The following FUCA2 variants were observed in gnomAD, a reference collection of about 807,000 sequenced individuals.
FUCA2 encodes the protein alpha-L-fucosidase 2.
Under a neutral mutation model 52.6 loss-of-function variants are expected in FUCA2, and 41 were observed. The observed-to-expected ratio is 0.78, with a 90% confidence interval of 0.61 to 1.01. FUCA2 has a LOEUF of 1.01. Ranked by LOEUF, FUCA2 falls within the 50% of genes least tolerant of loss-of-function variation. The pLI is 0.00. For missense variants in FUCA2, 507 were observed against 569.5 expected, an observed-to-expected ratio of 0.89 and a Z score of 1.12; for synonymous variants, 211 against 217.3, an observed-to-expected ratio of 0.97 and a Z score of 0.26.
rs1156972354 is a variant in FUCA2 at position 143,509,180 on chromosome 6, G to C, written c.225-1756C>G. Among the ~76,000 whole-genome samples the C allele has an allele frequency of 6.6e-6, 1 of 152,204 alleles. No homozygotes were observed. Among genetic ancestry groups the C allele is most frequent in the Non-Finnish European group, 1.5e-5 (1 of 68,050 alleles). On this transcript the variant is annotated intron_variant, in intron 1 of 6. Coordinates refer to ENST00000002165, the MANE Select transcript of FUCA2 (RefSeq NM_032020.5). The surrounding 1 kb of genome is among the most constrained non-coding windows in gnomAD (Gnocchi z 5.4). ...TGAATTTCATGCTGAGAGATGAAAA[G>C]AGGCATTTATGGTAAAGGTCTATCA... is the stretch of plus-strand genomic sequence containing the variant.
Position 143,502,438 on chromosome 6 carries a change from A to C in FUCA2, c.880T>G (p.Cys294Gly). The part of the protein sequence containing the change: ...GHLLPHKWEN[C>G]MTIDKLSWGY... ...CAGGACAGTTTGTCTATTGTCATGC[A>C]GTTTTCCCATTTATGTGGCAAAAGA... Residue 294 changes from cysteine (C) to glycine (G), a missense_variant, in exon 4 of 7, where the codon TGC becomes GGC. Transcript: ENST00000002165. The surrounding 1 kb of genome is among the most constrained non-coding windows in gnomAD (Gnocchi z 4.1). 3 of 1,614,100 alleles carry C rather than the reference A, an allele frequency of 1.9e-6. No homozygotes were observed. Among genetic ancestry groups the C allele is most frequent in the Non-Finnish European group, 2.5e-6 (3 of 1,179,984 alleles).
In FUCA2 at chr6:143,511,508, C is replaced by A; in HGVS notation, c.127G>T (p.Ala43Ser). The change falls in exon 1 of 7, where the codon GCC becomes TCC. Residue 43 changes from alanine (A) to serine (S), a missense_variant. Physicochemically the swap from Ala to Ser is moderately conservative, Grantham distance 99. Coordinates refer to ENST00000002165, the MANE Select transcript of FUCA2 (RefSeq NM_032020.5). The surrounding 1 kb of genome is among the most constrained non-coding windows in gnomAD (Gnocchi z 6.3). ...RFDPTWESLD[A>S]RQLPAWFDQA... ...TCAAACCACGCGGGCAGCTGGCGGG[C>A]GTCCAGGGACTCCCAGGTGGGGTCG... 1.3e-6 allele frequency: 2 copies of A among 1,597,426 alleles called. No individual in the cohort carries two copies. Among genetic ancestry groups the A allele is most frequent in the East Asian group, 2.3e-5 (1 of 43,784 alleles).
chr6:143,498,510 G>A (rs943742887), intron 5 of FUCA2, among the ~76,000 whole-genome samples: 2 of 152,152 alleles, frequency 1.3e-5, no homozygotes, highest in Admixed American at 6.5e-5. Context: ...CCACGGGAGC[G>A]TCTGGGGAAA....
rs1780632294 is a variant in FUCA2 at position 143,507,976 on chromosome 6, CTT to C, written c.225-554_225-553del. Among the ~76,000 whole-genome samples the C allele has an allele frequency of 6.6e-6, 1 of 152,192 alleles. No individual in the cohort carries two copies. The highest frequency in any genetic ancestry group is 6.5e-5 in the Admixed American group (1 of 15,274). ...GAGTCACCGTGTCCAGCCCCATTCT[CTT>C]TTAATTCTTCACTTTTAAATCACAA... On this transcript the variant is annotated intron_variant, in intron 1 of 6. Coordinates refer to ENST00000002165, the MANE Select transcript of FUCA2 (RefSeq NM_032020.5). The surrounding 1 kb of genome is among the most constrained non-coding windows in gnomAD (Gnocchi z 4.5).
rs1251239699 is a variant in FUCA2, at chr6:143,497,793, C to T, written c.1155-296G>A. Among the ~76,000 whole-genome samples the T allele has an allele frequency of 3.3e-5, 5 of 152,186 alleles. No individual in the cohort carries two copies. Among genetic ancestry groups the T allele is most frequent in the African/African-American group, 1.2e-4 (5 of 41,440 alleles). On this transcript the variant is annotated intron_variant, in intron 5 of 6. Transcript: ENST00000002165. This position sits in a 1 kb window ranked among gnomAD's most constrained non-coding sequence, Gnocchi z 5.3. ...GATCTAAGGGGACAGGATGCAAGAG[C>T]TTCATGGCTTTTCATGTATTATTCA...
In FUCA2 at chr6:143,500,381, G is replaced by A. The variant is rs193255139; in HGVS notation, c.1154+1551C>T. Among the ~76,000 whole-genome samples, 424 of 152,274 alleles carry A rather than the reference G, an allele frequency of 2.8e-3. No homozygotes were observed. The highest frequency in any genetic ancestry group is 5.0e-3 in the Non-Finnish European group (337 of 68,020). On this transcript the variant is annotated intron_variant, in intron 5 of 6. Transcript: ENST00000002165. The surrounding 1 kb of genome is among the most constrained non-coding windows in gnomAD (Gnocchi z 6.9). ...TGGCAGAATCCTTCAAACTGGAGCC[G>A]TGGAAGGGGTTCAGTTATTGGTAAT...
chr6:143,502,699 G>T lies in FUCA2; in HGVS notation c.753-134C>A. On this transcript the variant is annotated intron_variant, in intron 3 of 6. Coordinates refer to ENST00000002165, the MANE Select transcript of FUCA2 (RefSeq NM_032020.5). This position sits in a 1 kb window ranked among gnomAD's most constrained non-coding sequence, Gnocchi z 4.1. ...TGGCATAGTACAGTGGAAAGCCCAT[G>T]GTTTTGAAGTCAAACAGACCTGAGT... 2 of 750,138 alleles carry T rather than the reference G, an allele frequency of 2.7e-6. No individual in the cohort carries two copies. The highest frequency in any genetic ancestry group is 4.2e-6 in the Non-Finnish European group (2 of 479,308). The allele number at this position is 750,138 out of a possible 1,614,324, so 46.5% of individuals were successfully genotyped here. A position where few individuals can be genotyped will look rare whatever the true frequency, so the allele number is the denominator to read the frequency against.
chr6:143,497,259 C>G lies in FUCA2; in HGVS notation c.1263+130G>C. 1 of 659,438 alleles carries G rather than the reference C, an allele frequency of 1.5e-6. No individual in the cohort carries two copies. Among genetic ancestry groups the G allele is most frequent in the Non-Finnish European group, 2.7e-6 (1 of 370,098 alleles). The allele number at this position is 659,438 out of a possible 1,614,324, so 40.8% of individuals were successfully genotyped here. A position where few individuals can be genotyped will look rare whatever the true frequency, so the allele number is the denominator to read the frequency against. Reference sequence around the variant, plus strand: ...TTACAGTGTGAGCCACAATGCTTGGCTGGAGCTCATTTACAATTCCTTTTA... The same window carrying G: ...TTACAGTGTGAGCCACAATGCTTGGGTGGAGCTCATTTACAATTCCTTTTA... On this transcript the variant is annotated intron_variant, in intron 6 of 6. Coordinates refer to ENST00000002165, the MANE Select transcript of FUCA2 (RefSeq NM_032020.5). The surrounding 1 kb of genome is among the most constrained non-coding windows in gnomAD (Gnocchi z 5.3).
intron 6 of FUCA2, chr6:143,496,774 A>G (rs1780465734): frequency 6.6e-6 from 1 of 152,338 alleles, no homozygotes; most frequent in South Asian, 2.1e-4. Flanking sequence ...CAGGGAAAGC[A>G]TCCGAATTCT....
At position 143,497,811 on chromosome 6, in the gene FUCA2, A is replaced by G. The variant is rs917785314; in HGVS notation, c.1155-314T>C. Among the ~76,000 whole-genome samples the G allele has an allele frequency of 6.6e-6, 1 of 152,204 alleles. No individual in the cohort carries two copies. The highest frequency in any genetic ancestry group is 2.4e-5 in the African/African-American group (1 of 41,442). On this transcript the variant is annotated intron_variant, in intron 5 of 6. Coordinates refer to ENST00000002165, the MANE Select transcript of FUCA2 (RefSeq NM_032020.5). The surrounding 1 kb of genome is among the most constrained non-coding windows in gnomAD (Gnocchi z 5.3). ...GCAAGAGCTTCATGGCTTTTCATGT[A>G]TTATTCAAATTTTTATATTCATTCA...
chr6:143,498,423 G>C (rs1769025038), intron 5 of FUCA2, among the ~76,000 whole-genome samples: 1 of 152,184 alleles, frequency 6.6e-6, no homozygotes, highest in Admixed American at 6.5e-5. Context: ...GCCTGGGAGT[G>C]TTATTTTAAA....
Position 143,504,299 on chromosome 6 carries a change from T to C in FUCA2, c.413-47A>G. ...CCTTGTAAGCATGTCAACTTTATTT[T>C]AGTAAATTTCAACCCACACAAATGC... On this transcript the variant is annotated intron_variant, in intron 2 of 6. Transcript: ENST00000002165. The surrounding 1 kb of genome is among the most constrained non-coding windows in gnomAD (Gnocchi z 4.4). 1 of 1,510,500 alleles carries C rather than the reference T, an allele frequency of 6.6e-7. No individual in the cohort carries two copies. Among genetic ancestry groups the C allele is most frequent in the South Asian group, 1.3e-5 (1 of 79,562 alleles). 93.6% of individuals were successfully genotyped at this position (1,510,500 alleles called of 1,614,324 possible). A position where few individuals can be genotyped will look rare whatever the true frequency, so the allele number is the denominator to read the frequency against.
Position 143,507,276 on chromosome 6 carries a change from C to T in FUCA2, c.373G>A (p.Gly125Ser), listed in dbSNP as rs900426424. 8 of 1,601,366 alleles carry T rather than the reference C, an allele frequency of 5.0e-6. No homozygotes were observed. The highest frequency in any genetic ancestry group is 1.7e-4 in the Middle Eastern group (1 of 6,060). ...NQWADIFQASGAKYIVLTSKH... is the reference protein window; with the variant it reads ...NQWADIFQASSAKYIVLTSKH... ...GAAGTTAAGACAATGTATTTGGCAC[C>T]AGAGGCCTGAAAAATATCTGCCCAC... Residue 125 changes from glycine to serine, a missense_variant, in exon 2 of 7, where the codon GGT becomes AGT. Gly to Ser is a moderately conservative substitution (Grantham distance 56). Transcript: ENST00000002165. This position sits in a 1 kb window ranked among gnomAD's most constrained non-coding sequence, Gnocchi z 4.5.
chr6:143,506,486 A>G (rs1780610162), intron 2 of FUCA2: 1 of 152,022 alleles, frequency 6.6e-6, no homozygotes, highest in Non-Finnish European at 1.5e-5. Context: ...GAGCGACCAC[A>G]TCCAGTGCAA....
rs369061103 is a variant in FUCA2 at position 143,511,368 on chromosome 6, G to A, written c.224+43C>T. The A allele has an allele frequency of 6.5e-7, 1 of 1,538,924 alleles. No individual in the cohort carries two copies. The highest frequency in any genetic ancestry group is 8.8e-7 in the Non-Finnish European group (1 of 1,132,356). ...GGGTGGTGGCTGGAGGCTGCGGGTG[G>A]GGACAAAAGCGCGGCAGACGAGACA... On this transcript the variant is annotated intron_variant, in intron 1 of 6. Coordinates refer to ENST00000002165, the MANE Select transcript of FUCA2 (RefSeq NM_032020.5). This position sits in a 1 kb window ranked among gnomAD's most constrained non-coding sequence, Gnocchi z 6.3.
rs912615161 is a variant in FUCA2, at chr6:143,503,779, T to A, written c.752+134A>T. 1.5e-6 allele frequency: 1 copy of A among 658,136 alleles called. No individual in the cohort carries two copies. The highest frequency in any genetic ancestry group is 2.6e-6 in the Non-Finnish European group (1 of 391,180). The allele number at this position is 658,136 out of a possible 1,614,324, so 40.8% of individuals were successfully genotyped here. A position where few individuals can be genotyped will look rare whatever the true frequency, so the allele number is the denominator to read the frequency against. ...TAAATAGTGATATATCTAATAAGTA[T>A]TATTTACAATGATTTTCTCCCCCCA... On this transcript the variant is annotated intron_variant, in intron 3 of 6. Transcript: ENST00000002165. The surrounding 1 kb of genome is among the most constrained non-coding windows in gnomAD (Gnocchi z 4.8).
chr6:143,501,962 G>A lies in FUCA2; in HGVS notation c.1124C>T (p.Ser375Phe). ...EAIYETHTWRSQNDTVTPDVW... is the reference protein window; with the variant it reads ...EAIYETHTWRFQNDTVTPDVW... ...ATCTGGGGTGACAGTGTCATTCTGGGATCGCCAGGTATGGGTTTCATAAAT... is the reference window on the plus strand; with the variant it reads ...ATCTGGGGTGACAGTGTCATTCTGGAATCGCCAGGTATGGGTTTCATAAAT... The change falls in exon 5 of 7, where the codon TCC becomes TTC. Residue 375 changes from serine (S) to phenylalanine (F), a missense_variant. By Grantham distance (155) the Ser-to-Phe change is radical. Coordinates refer to ENST00000002165, the MANE Select transcript of FUCA2 (RefSeq NM_032020.5). The surrounding 1 kb of genome is among the most constrained non-coding windows in gnomAD (Gnocchi z 6.1). The A allele has an allele frequency of 6.2e-7, 1 of 1,613,668 alleles. No individual in the cohort carries two copies. The highest frequency in any genetic ancestry group is 8.5e-7 in the Non-Finnish European group (1 of 1,179,808).
In FUCA2 at chr6:143,507,529, G is replaced by T; in HGVS notation, c.225-105C>A. Reference sequence around the variant, plus strand: ...TTACCCCTCACACAGATAGGACCCAGATTCTCTTTCTCACTTCCCCATTAG... The same window carrying T: ...TTACCCCTCACACAGATAGGACCCATATTCTCTTTCTCACTTCCCCATTAG... On this transcript the variant is annotated intron_variant, in intron 1 of 6. Transcript: ENST00000002165. This position sits in a 1 kb window ranked among gnomAD's most constrained non-coding sequence, Gnocchi z 4.5. 1 of 789,820 alleles carries T rather than the reference G, an allele frequency of 1.3e-6. No individual in the cohort carries two copies. Among genetic ancestry groups the T allele is most frequent in the South Asian group, 2.0e-5 (1 of 50,042 alleles). The allele number at this position is 789,820 out of a possible 1,614,324, so 48.9% of individuals were successfully genotyped here.
rs931513745 is a variant in FUCA2, at chr6:143,504,051, G to A, written c.614C>T (p.Pro205Leu). The A allele has an allele frequency of 5.6e-6, 9 of 1,613,988 alleles. No homozygotes were observed. The highest frequency in any genetic ancestry group is 5.0e-5 in the Admixed American group (3 of 59,982). The stretch of plus-strand genomic sequence containing the variant: ...GAGCTCTGGCAATGTCTTAGAAACT[G>A]GAAATTGCCGCTTATGGAATGAACT... ...ESSSFHKRQF[P>L]VSKTLPELYE... The change falls in exon 3 of 7, where the codon CCA (proline) becomes CTA (leucine). Residue 205 changes from proline (P) to leucine (L), a missense_variant. Coordinates refer to ENST00000002165, the MANE Select transcript of FUCA2 (RefSeq NM_032020.5). This position sits in a 1 kb window ranked among gnomAD's most constrained non-coding sequence, Gnocchi z 4.4.
Sources: gnomAD v4.1 joint callset for allele counts (sites outside exome capture counted in the v4.1 genomes callset) on GRCh38, gnomAD v4.1.1 for gene constraint, Gnocchi (gnomAD v3.1) non-coding constraint, MANE v1.5 for transcripts, NCBI Gene and HGNC (gene_info 2026-07-23, HGNC 2026-07-21) for gene names.